Variants in SLC12A9 observed in about 807,000 individuals in gnomAD.
The protein encoded by SLC12A9 is CCC-interacting protein 1.
Under a neutral mutation model 66.0 loss-of-function variants are expected in SLC12A9, and 55 were observed. The observed-to-expected ratio is 0.83, with a 90% CI of 0.67 to 1.04. The LOEUF (loss-of-function observed/expected upper bound fraction) is 1.04, where lower values mean the gene tolerates loss of function less well. Ranked by LOEUF, SLC12A9 falls within the 50% of genes least tolerant of loss-of-function variation. The pLI is 0.00. For missense variants in SLC12A9, 1,061 were observed against 1,241.9 expected (o/e 0.85, Z 2.19); for synonymous variants, 577 against 569.0 (o/e 1.01, Z -0.20).
At chr7:100,834,841 C>T (rs1184386343) in intron 1 of SLC12A9, among the ~76,000 whole-genome samples, 1 of 152,132 alleles carries the variant, frequency 6.6e-6, no homozygotes, top group African/African-American at 2.4e-5. Flanking sequence ...GCATTCCAGT[C>T]TGGGCAACAG....
chr7:100,854,579 G>A (rs917315090), intron 2 of SLC12A9, 41 bp from the exon 3 acceptor site: 1 of 1,612,642 alleles, frequency 6.2e-7, no homozygotes, highest in East Asian at 2.2e-5. Flanking sequence ...GGGATATGGG[G>A]TGTGAGTCCC....
At position 100,854,188 on chromosome 7, in the gene SLC12A9, G is replaced by C. The variant is rs756324066; in HGVS notation, c.-10G>C. 6.4e-7 allele frequency: 1 copy of C among 1,555,728 alleles called. No homozygotes were observed. The highest frequency in any genetic ancestry group is 2.3e-5 in the Admixed American group (1 of 43,558). ...AACCCATTTGTGGCTTCCTCTACCT[G>C]TGCTCAGCCATGGCCAGCGAGAGCT... On this transcript the variant is annotated 5_prime_UTR_variant, in exon 2 of 14. Coordinates refer to ENST00000354161, the MANE Select transcript of SLC12A9 (RefSeq NM_020246.4).
rs567578138 is a variant in SLC12A9 at position 100,831,117 on chromosome 7, A to G, written n.228+4070A>G. ...GCAATATACTGCTATCACACGGTGC[A>G]TTGTCGGTACTTGCGCATAGCATCC... is the stretch of plus-strand genomic sequence containing the variant. On this transcript the variant is annotated intron_variant and non_coding_transcript_variant, in intron 1 of 1. Transcript: ENST00000461016. Among the ~76,000 whole-genome samples, 190 of 152,326 alleles carry G rather than the reference A, an allele frequency of 1.2e-3. No homozygotes were observed. The Middle Eastern group carries it at 0.017, about 14-fold the overall frequency.
rs893845195 is a variant in SLC12A9, at chr7:100,861,820, C to T, written c.1620C>T (p.Asn540=). 8 of 1,613,984 alleles carry T rather than the reference C, an allele frequency of 5.0e-6. No individual in the cohort carries two copies. The highest frequency in any genetic ancestry group is 1.6e-4 in the Middle Eastern group (1 of 6,076). The change falls in exon 12 of 14, where the codon AAC becomes AAT. Residue 540 remains asparagine (N), a synonymous_variant. Coordinates refer to ENST00000354161, the MANE Select transcript of SLC12A9 (RefSeq NM_020246.4). This position sits in a 1 kb window ranked among gnomAD's most constrained non-coding sequence, Gnocchi z 5.3. ...WRPQLLLLVG[N]PRGALPLLRL... is the part of the protein sequence containing the mutation. ...CCCAGCTGCTGCTCCTGGTGGGGAA[C>T]CCCCGGGGCGCCCTGCCTCTGCTGC...
chr7:100,854,031 T>G, intron 1 of SLC12A9, 125 bp from the exon 2 acceptor site: 14 of 562,336 alleles, frequency 2.5e-5, no homozygotes, highest in East Asian at 3.6e-5. Flanking sequence ...GCCTGGCCAA[T>G]TTTTGTATTT....
intron 5 of SLC12A9, chr7:100,857,418 T>C: frequency 3.5e-6 from 2 of 566,110 alleles, no homozygotes; most frequent in East Asian, 2.9e-5. Flanking sequence ...AGGAGAGACA[T>C]GCATTCAGGA....
intron 1 of SLC12A9, among the ~76,000 whole-genome samples, chr7:100,838,658 A>G (rs1813717291): frequency 6.6e-6 from 1 of 152,174 alleles, no homozygotes; most frequent in Non-Finnish European, 1.5e-5. Flanking sequence ...CTAGGATTAC[A>G]GGTGTGTAGC....
In SLC12A9 at chr7:100,834,742, G is replaced by A. The variant is rs555225421; in HGVS notation, n.228+7695G>A. ...ACAAAAATTAGCCAGGCGTGGTGGA[G>A]CACGCCTGTGGTCCCAGCTGTTCGG... is the stretch of plus-strand genomic sequence containing the variant. On this transcript the variant is annotated intron_variant and non_coding_transcript_variant, in intron 1 of 1. Coordinates refer to the SLC12A9 transcript ENST00000461016. 1.8e-3 allele frequency among the ~76,000 whole-genome samples: 280 copies of A among 152,116 alleles called. 3 individuals are homozygous for A. Among genetic ancestry groups the A allele is most frequent in the African/African-American group, 6.5e-3 (270 of 41,486 alleles).
Position 100,866,251 on chromosome 7 carries a change from G to C in SLC12A9, c.2391G>C (p.Glu797Asp). 1 of 1,589,320 alleles carries C rather than the reference G, an allele frequency of 6.3e-7. No homozygotes were observed. The highest frequency in any genetic ancestry group is 8.6e-7 in the Non-Finnish European group (1 of 1,167,726). Residue 797 changes from glutamate to aspartate, a missense_variant, in exon 14 of 14, where the codon GAG (glutamate) becomes GAC (aspartate). Coordinates refer to ENST00000354161, the MANE Select transcript of SLC12A9 (RefSeq NM_020246.4). This position sits in a 1 kb window ranked among gnomAD's most constrained non-coding sequence, Gnocchi z 7.3. The part of the protein sequence containing the change: ...ALLSQLRIRA[E>D]VQEVVWGEGA... ...TGAGCCAACTGAGGATCCGGGCTGA[G>C]GTGCAGGAGGTGGTGTGGGGCGAGG... is the stretch of plus-strand genomic sequence containing the variant.
chr7:100,833,958 A>G (rs1281796651), intron 1 of SLC12A9, among the ~76,000 whole-genome samples: 419 of 150,538 alleles, frequency 2.8e-3, no homozygotes, highest in South Asian at 7.6e-3. Context: ...AAAAAAAAAA[A>G]AAAGAAAGAA....
chr7:100,833,525 G>A (rs1175934024), intron 1 of SLC12A9, among the ~76,000 whole-genome samples: 3 of 151,562 alleles, frequency 2.0e-5, no homozygotes, highest in Non-Finnish European at 4.4e-5. Flanking sequence ...AAAAAAAACA[G>A]ACAAGGTATG....
rs2405977 is a variant in SLC12A9 at position 100,845,978 on chromosome 7, G to C, written n.229-13907G>C. Among the ~76,000 whole-genome samples the C allele has an allele frequency of 4.0e-3, 609 of 152,318 alleles. 5 individuals carry two copies. Among genetic ancestry groups the C allele is most frequent in the African/African-American group, 0.014 (592 of 41,558 alleles). Reference sequence around the variant, plus strand: ...ATGAGAAATGCTCTCTATCAAAATAGATTAGCTCTCGACTACTTGCTAGCA... The same window carrying C: ...ATGAGAAATGCTCTCTATCAAAATACATTAGCTCTCGACTACTTGCTAGCA... On this transcript the variant is annotated intron_variant and non_coding_transcript_variant, in intron 1 of 1. Coordinates refer to the SLC12A9 transcript ENST00000461016.
chr7:100,838,703 A>G (rs978462285), intron 1 of SLC12A9, among the ~76,000 whole-genome samples: 1 of 152,086 alleles, frequency 6.6e-6, no homozygotes, highest in African/African-American at 2.4e-5. Context: ...TTTTTAGTAA[A>G]GGAGGAGACT....
upstream of SLC12A9, among the ~76,000 whole-genome samples, chr7:100,850,935 G>A (rs569217945): frequency 1.3e-5 from 2 of 152,008 alleles, no homozygotes; most frequent in South Asian, 2.1e-4. Flanking sequence ...GGCCAGGATG[G>A]TCACAATCTC....
At chr7:100,830,463 CAGG>C (rs941042119) in intron 1 of SLC12A9, among the ~76,000 whole-genome samples, 25 of 151,974 alleles carry the variant, frequency 1.6e-4, no homozygotes, top group African/African-American at 5.3e-4. Context: ...CGTTTCAGTC[CAGG>C]AGTTTGAGGG....
chr7:100,843,860 A>C (rs1439155193), intron 1 of SLC12A9, among the ~76,000 whole-genome samples: 5 of 152,196 alleles, frequency 3.3e-5, no homozygotes, highest in Admixed American at 2.6e-4. Context: ...AGCCCAGTTG[A>C]ACATAACTGT....
intron 13 of SLC12A9, chr7:100,865,439 T>A: frequency 6.5e-7 from 1 of 1,536,092 alleles, no homozygotes; most frequent in Non-Finnish European, 8.7e-7. Context: ...CTCCATAGAA[T>A]TGGAGTGCTC....
chr7:100,864,045 T>A (rs1005322857), intron 13 of SLC12A9, among the ~76,000 whole-genome samples: 9 of 151,372 alleles, frequency 5.9e-5, no homozygotes, highest in Admixed American at 1.3e-4. Context: ...GTGGAAGATA[T>A]CAGGTCGGTG....
At chr7:100,835,374 G>A (rs561967900) in intron 1 of SLC12A9, among the ~76,000 whole-genome samples, 2 of 147,124 alleles carry the variant, frequency 1.4e-5, no homozygotes, top group African/African-American at 5.0e-5. Context: ...AAAAAATGCC[G>A]GGCGCGGTCG....
Sources: gnomAD v4.1 joint callset for allele counts (sites outside exome capture counted in the v4.1 genomes callset) on GRCh38, gnomAD v4.1.1 for gene constraint, Gnocchi (gnomAD v3.1) non-coding constraint, MANE v1.5 for transcripts, NCBI Gene and HGNC (gene_info 2026-07-23, HGNC 2026-07-21) for gene names.